Variants in RYR2 observed in about 807,000 individuals in gnomAD.
RYR2 encodes cardiac muscle ryanodine receptor-calcium release channel.
A neutral mutation model predicts 601.1 loss-of-function variants in RYR2; 227 were observed. The ratio of observed to expected loss-of-function variants is 0.38; its 90% CI spans 0.34 to 0.42. RYR2 has a LOEUF of 0.42. Ranked by LOEUF, RYR2 falls within the 10% of genes least tolerant of loss-of-function variation. RYR2 has a pLI of 1.00. For synonymous variants in RYR2, 2,223 were observed against 2,175.1 expected (o/e 1.02, Z -0.61); for missense variants, 4,646 against 6,156.5 (o/e 0.75, Z 8.21).
chr1:237,622,752 G>T (rs1464009577), intron 38 of RYR2, among the ~76,000 whole-genome samples: 2 of 152,158 alleles, frequency 1.3e-5, no homozygotes, highest in Non-Finnish European at 2.9e-5. Flanking sequence ...ATTTAGAGAT[G>T]ATTTAAAATA....
rs985453841 is a variant in RYR2 at position 237,385,351 on chromosome 1, G to A, written c.577-1930G>A. Among the ~76,000 whole-genome samples the A allele has an allele frequency of 2.6e-5, 4 of 152,074 alleles. 1 individual carries two copies. The South Asian group carries it at 6.2e-4, about 24-fold the overall frequency. On this transcript the variant is annotated intron_variant, in intron 8 of 104. Transcript: ENST00000366574. ...AAAAGTGTTGTGTGTAATGTTTGAG[G>A]TGATAGATATCTCAATTACCCTGAT...
chr1:237,364,413 G>T, intron 5 of RYR2, 41 bp downstream of exon 5: 19 of 1,093,862 alleles, frequency 1.7e-5, no homozygotes, highest in Non-Finnish European at 2.3e-5. Flanking sequence ...ATATATAGCA[G>T]ATATATTACT....
chr1:237,308,324 G>GTA, intron 2 of RYR2, among the ~76,000 whole-genome samples: 1 of 152,170 alleles, frequency 6.6e-6, no homozygotes, highest in South Asian at 2.1e-4. Context: ...GGGTGGACAC[G>GTA]TTCCTCCTCT....
chr1:237,448,810 C>T (rs1012718746), intron 14 of RYR2, among the ~76,000 whole-genome samples: 1 of 151,940 alleles, frequency 6.6e-6, no homozygotes, highest in Non-Finnish European at 1.5e-5. Flanking sequence ...AGTTTCCCCC[C>T]ACCCCACCTT....
intron 1 of RYR2, among the ~76,000 whole-genome samples, chr1:237,120,038 T>G (rs866211068): frequency 5.8e-4 from 89 of 152,340 alleles, no homozygotes; most frequent in African/African-American, 2.1e-3. Flanking sequence ...ATGTGATGTT[T>G]ATTTTATGAT....
At chr1:237,545,219 T>C (rs1368451625) in intron 25 of RYR2, among the ~76,000 whole-genome samples, 1 of 152,214 alleles carries the variant, frequency 6.6e-6, no homozygotes, top group African/African-American at 2.4e-5. Context: ...AAGAAAACAA[T>C]GTAGAAAATA....
In RYR2 at chr1:237,774,334, G is replaced by A. The variant is rs183184959; in HGVS notation, c.11775+686G>A. Among the ~76,000 whole-genome samples the A allele has an allele frequency of 1.3e-3, 191 of 152,174 alleles. 1 individual carries two copies. The highest frequency in any genetic ancestry group is 7.6e-4 in the Non-Finnish European group (52 of 68,012). ...GAGAAACTTATAATTGGCTTTGTGAGACTAAACATAAGCTTGTGGGGAGAA... is the reference window on the plus strand; with the variant it reads ...GAGAAACTTATAATTGGCTTTGTGAAACTAAACATAAGCTTGTGGGGAGAA... On this transcript the variant is annotated intron_variant, in intron 87 of 104. Coordinates refer to ENST00000366574, the MANE Select transcript of RYR2 (RefSeq NM_001035.3).
chr1:237,740,569 A>T (rs544235304), intron 79 of RYR2, among the ~76,000 whole-genome samples: 18 of 152,296 alleles, frequency 1.2e-4, no homozygotes, highest in African/African-American at 4.1e-4. Flanking sequence ...TATCATTATA[A>T]TCCCAAATAA....
chr1:237,433,119 G>A (rs1023107245), intron 12 of RYR2, among the ~76,000 whole-genome samples: 7 of 151,928 alleles, frequency 4.6e-5, no homozygotes, highest in African/African-American at 1.7e-4. Flanking sequence ...TAGAAAATTG[G>A]TTTTAAAATA....
chr1:237,657,677 AATT>A (rs1487708623), intron 53 of RYR2, among the ~76,000 whole-genome samples: 1 of 151,356 alleles, frequency 6.6e-6, no homozygotes, highest in African/African-American at 2.4e-5. Context: ...ATTTAATAAT[AATT>A]GTTATTATAG....
At chr1:237,475,824 C>T (rs1469175148) in intron 17 of RYR2, among the ~76,000 whole-genome samples, 1 of 152,136 alleles carries the variant, frequency 6.6e-6, no homozygotes, top group Non-Finnish European at 1.5e-5. Flanking sequence ...TACGCATGAC[C>T]ACTCTGAATT....
intron 1 of RYR2, among the ~76,000 whole-genome samples, chr1:237,171,554 C>A (rs1008259020): frequency 6.6e-6 from 1 of 152,202 alleles, no homozygotes; most frequent in Non-Finnish European, 1.5e-5. Flanking sequence ...ACCCTCTCAG[C>A]CCAGTGTCTT....
At chr1:237,825,613 C>T (rs1370839822) in intron 101 of RYR2, among the ~76,000 whole-genome samples, 2 of 152,288 alleles carry the variant, frequency 1.3e-5, no homozygotes, top group East Asian at 3.9e-4. Flanking sequence ...TGGGCAAAGA[C>T]TTCATGACTA....
At chr1:237,130,948 GCTGT>G (rs914791882) in intron 1 of RYR2, among the ~76,000 whole-genome samples, 7 of 152,100 alleles carry the variant, frequency 4.6e-5, no homozygotes, top group Non-Finnish European at 7.3e-5. Flanking sequence ...GTCACACAGG[GCTGT>G]CTAAGACTGA....
At chr1:237,323,841 G>A (rs1220679431) in intron 2 of RYR2, among the ~76,000 whole-genome samples, 2 of 152,144 alleles carry the variant, frequency 1.3e-5, no homozygotes, top group African/African-American at 4.8e-5. Context: ...TTTAAGACCG[G>A]GGAAAACCCA....
At chr1:237,665,022 T>G (rs1213585358) in intron 56 of RYR2, among the ~76,000 whole-genome samples, 1 of 152,226 alleles carries the variant, frequency 6.6e-6, no homozygotes, top group African/African-American at 2.4e-5. Context: ...CATTTCTTTG[T>G]GTCAGGCACT....
intron 3 of RYR2, among the ~76,000 whole-genome samples, chr1:237,344,218 T>G (rs934939175): frequency 6.6e-6 from 1 of 152,204 alleles, no homozygotes; most frequent in East Asian, 1.9e-4. Context: ...ATCGGATTAT[T>G]CTCATGGCGT....
chr1:237,201,521 CT>C (rs1478358899), intron 1 of RYR2, among the ~76,000 whole-genome samples: 1 of 152,130 alleles, frequency 6.6e-6, no homozygotes, highest in Non-Finnish European at 1.5e-5. Context: ...TGCTTTTCTT[CT>C]AAAAACTTGA....
chr1:237,758,116 G>A (rs564203542), intron 82 of RYR2, among the ~76,000 whole-genome samples: 50 of 152,168 alleles, frequency 3.3e-4, no homozygotes, highest in African/African-American at 1.2e-3. Context: ...AGCTCGTTCT[G>A]TTCCCAGAAT....
Sources: allele counts gnomAD v4.1 joint callset (sites outside exome capture counted in the v4.1 genomes callset), GRCh38; gene constraint gnomAD v4.1.1; transcripts MANE v1.5; gene names NCBI Gene and HGNC (gene_info 2026-07-23, HGNC 2026-07-21).